Variants in GPM6A observed in about 807,000 individuals in gnomAD.
GPM6A encodes the protein neuronal membrane glycoprotein M6-a.
GPM6A carries 7 observed loss-of-function variants against 32.1 expected under a neutral mutation model. The ratio of observed to expected loss-of-function variants is 0.22; its 90% CI spans 0.12 to 0.41. GPM6A has a LOEUF of 0.41. Among genes scored for constraint, GPM6A ranks in the 10% least tolerant of loss-of-function variants. The pLI is 1.00. For missense variants in GPM6A, 235 were observed against 347.2 expected, an observed-to-expected ratio of 0.68 and a Z score of 2.57; for synonymous variants, 130 against 123.4, an observed-to-expected ratio of 1.05 and a Z score of -0.35.
chr4:175,741,273 T>G (rs554849876), intron 1 of GPM6A, among the ~76,000 whole-genome samples: 1 of 152,172 alleles, frequency 6.6e-6, no homozygotes, highest in Admixed American at 6.5e-5. Flanking sequence ...TAGGCTCTGT[T>G]TATTTGAATT....
chr4:175,772,269 T>G (rs573304150), intron 1 of GPM6A, among the ~76,000 whole-genome samples: 1 of 152,328 alleles, frequency 6.6e-6, no homozygotes, highest in South Asian at 2.1e-4. Flanking sequence ...AATAGCATTT[T>G]GAAATTGGAA....
At chr4:175,956,421 A>G (rs538760672) in intron 1 of GPM6A, among the ~76,000 whole-genome samples, 7 of 152,230 alleles carry the variant, frequency 4.6e-5, no homozygotes, top group African/African-American at 1.7e-4. Flanking sequence ...TCATATCACT[A>G]TTTCTATTTT....
chr4:175,964,310 A>G (rs2126408800), intron 1 of GPM6A, among the ~76,000 whole-genome samples: 1 of 152,272 alleles, frequency 6.6e-6, no homozygotes, highest in African/African-American at 2.4e-5. Context: ...AACAACAACA[A>G]CAACAACAAC....
Position 175,810,540 on chromosome 4 carries a change from A to G in GPM6A, c.37+1651T>C, listed in dbSNP as rs541294086. On this transcript the variant is annotated intron_variant, in intron 1 of 6. Transcript: ENST00000393658. ...TTTCAGTGTTACCTGAGAAAAAAACATCACAACTAATTACATCATTTTTCT... is the reference window on the plus strand; with the variant it reads ...TTTCAGTGTTACCTGAGAAAAAAACGTCACAACTAATTACATCATTTTTCT... Among the ~76,000 whole-genome samples the G allele has an allele frequency of 3.3e-5, 5 of 151,110 alleles. No homozygotes were observed. The South Asian group carries it at 1.0e-3, about 31-fold the overall frequency.
At chr4:175,704,305 CAT>C (rs1371561010) in intron 1 of GPM6A, among the ~76,000 whole-genome samples, 2 of 149,840 alleles carry the variant, frequency 1.3e-5, no homozygotes. Flanking sequence ...CCCCAACACA[CAT>C]CTCTCTCTTT....
chr4:175,881,691 T>G (rs1456770721), intron 1 of GPM6A, among the ~76,000 whole-genome samples: 1 of 152,120 alleles, frequency 6.6e-6, no homozygotes, highest in Non-Finnish European at 1.5e-5. Context: ...CATGTCCTTT[T>G]TAGGGACATG....
rs182492233 is a variant in GPM6A at position 175,862,846 on chromosome 4, G to A, written c.-22-50597C>T. On this transcript the variant is annotated intron_variant, in intron 1 of 7. Coordinates refer to the GPM6A transcript ENST00000280187. ...ATTTAAAAAATAAATTTTATGTCTC[G>A]TGTTGAAAGCTTTGGTTGCTGTTGC... Among the ~76,000 whole-genome samples the A allele has an allele frequency of 2.2e-4, 33 of 151,752 alleles. 1 individual carries two copies. In the East Asian group the frequency reaches 4.3e-3, roughly 20 times the overall value.
At chr4:175,753,894 T>C (rs1732432271) in intron 1 of GPM6A, among the ~76,000 whole-genome samples, 1 of 152,114 alleles carries the variant, frequency 6.6e-6, no homozygotes, top group South Asian at 2.1e-4. Context: ...TGCTCCATCA[T>C]CTACTGTTCC....
At chr4:175,845,282 TACAC>T (rs1231808562) in intron 1 of GPM6A, among the ~76,000 whole-genome samples, 1 of 152,106 alleles carries the variant, frequency 6.6e-6, no homozygotes, top group East Asian at 1.9e-4. Context: ...TTACGATAAA[TACAC>T]ACAAGTTGCC....
intron 1 of GPM6A, among the ~76,000 whole-genome samples, chr4:175,731,937 C>T (rs1369961359): frequency 6.6e-6 from 1 of 150,980 alleles, no homozygotes; most frequent in Non-Finnish European, 1.5e-5. Flanking sequence ...AGGTAGGGAA[C>T]ACGACTTCCT....
At chr4:175,653,046 T>G (rs190431906) in intron 3 of GPM6A, among the ~76,000 whole-genome samples, 182 of 152,262 alleles carry the variant, frequency 1.2e-3, no homozygotes, top group Non-Finnish European at 1.6e-3. Context: ...TCATCCCTTT[T>G]GTGATGAGTT....
At chr4:175,736,009 T>A (rs1731644370) in intron 1 of GPM6A, among the ~76,000 whole-genome samples, 1 of 152,120 alleles carries the variant, frequency 6.6e-6, no homozygotes, top group Non-Finnish European at 1.5e-5. Context: ...ACTAAAACAA[T>A]GTTTTCTTTT....
At chr4:175,874,440 T>C (rs1272905315) in intron 1 of GPM6A, among the ~76,000 whole-genome samples, 1 of 152,076 alleles carries the variant, frequency 6.6e-6, no homozygotes, top group Non-Finnish European at 1.5e-5. Flanking sequence ...GGACTGTTGA[T>C]ATTGGGAGAG....
chr4:175,941,618 C>T (rs1739414884), intron 1 of GPM6A, among the ~76,000 whole-genome samples: 1 of 152,144 alleles, frequency 6.6e-6, no homozygotes, highest in East Asian at 1.9e-4. Context: ...GTTCAATTCC[C>T]CCTTATGAGT....
At chr4:175,979,716 G>T (rs1740768320) in intron 1 of GPM6A, among the ~76,000 whole-genome samples, 1 of 152,126 alleles carries the variant, frequency 6.6e-6, no homozygotes, top group African/African-American at 2.4e-5. Context: ...AGAAGAAAAT[G>T]AATTTTCACT....
intron 1 of GPM6A, chr4:175,787,602 T>C (rs1373485763): frequency 1.5e-6 from 2 of 1,343,374 alleles, no homozygotes; most frequent in Non-Finnish European, 1.9e-6. Flanking sequence ...TCAGCTTTTT[T>C]CCCCAAATCA....
chr4:175,805,316 AC>A (rs1423475823), intron 1 of GPM6A, among the ~76,000 whole-genome samples: 1 of 152,178 alleles, frequency 6.6e-6, no homozygotes, highest in East Asian at 1.9e-4. Flanking sequence ...CATTCAAATA[AC>A]CTTTCTAATG....
intron 2 of GPM6A, among the ~76,000 whole-genome samples, chr4:175,685,533 C>G (rs1420547754): frequency 1.3e-5 from 2 of 152,094 alleles, no homozygotes; most frequent in Non-Finnish European, 2.9e-5. Context: ...AATTTTATAT[C>G]CTACTATGTT....
At chr4:175,897,892 A>G (rs539214218) in intron 1 of GPM6A, among the ~76,000 whole-genome samples, 19 of 152,312 alleles carry the variant, frequency 1.2e-4, no homozygotes, top group African/African-American at 4.3e-4. Context: ...CTTTACTTAA[A>G]TTAGAATCCC....
Sources: allele counts gnomAD v4.1 joint callset (sites outside exome capture counted in the v4.1 genomes callset), GRCh38; gene constraint gnomAD v4.1.1; transcripts MANE v1.5; gene names NCBI Gene and HGNC (gene_info 2026-07-23, HGNC 2026-07-21).